ITGB6: variants seen among roughly 807,000 people sequenced by gnomAD.
ITGB6 encodes integrin beta-6.
A neutral mutation model predicts 84.5 loss-of-function variants in ITGB6; 80 were observed. The observed-to-expected ratio is 0.95, with a 90% CI of 0.79 to 1.14. The LOEUF is 1.14. Ranked by LOEUF, ITGB6 falls within the 50% of genes most tolerant of loss-of-function variation. ITGB6 has a pLI of 0.00. For synonymous variants in ITGB6, 383 were observed against 354.9 expected (o/e 1.08, Z -0.89); for missense variants, 1,006 against 968.0 (o/e 1.04, Z -0.52).
At chr2:160,189,612 A>C (rs1686055592) in intron 4 of ITGB6, among the ~76,000 whole-genome samples, 1 of 152,240 alleles carries the variant, frequency 6.6e-6, no homozygotes, top group Non-Finnish European at 1.5e-5. Flanking sequence ...AATGGTCATC[A>C]TCACTGGCCA....
chr2:160,142,163 T>G, intron 7 of ITGB6, 92 bp from the exon 8 acceptor site: 1 of 725,258 alleles, frequency 1.4e-6, no homozygotes, highest in Non-Finnish European at 2.3e-6. Context: ...ATTGCCTCTA[T>G]TTAACTGGCC....
At chr2:160,163,925 T>C (rs897897296) in intron 7 of ITGB6, among the ~76,000 whole-genome samples, 1 of 152,228 alleles carries the variant, frequency 6.6e-6, no homozygotes, top group Non-Finnish European at 1.5e-5. Context: ...ATAGTCATAG[T>C]TGCATATCAT....
At chr2:160,109,976 C>T (rs916147293) in intron 13 of ITGB6, among the ~76,000 whole-genome samples, 4 of 152,118 alleles carry the variant, frequency 2.6e-5, no homozygotes, top group African/African-American at 4.8e-5. Context: ...TGGATAACAT[C>T]GTAAATAAAA....
intron 4 of ITGB6, among the ~76,000 whole-genome samples, chr2:160,187,926 T>A (rs896719863): frequency 1.3e-5 from 2 of 152,146 alleles, no homozygotes; most frequent in African/African-American, 4.8e-5. Context: ...TCTAAAAGTT[T>A]GAGGACCACT....
chr2:160,127,710 T>G (rs777659298), intron 10 of ITGB6, among the ~76,000 whole-genome samples: 17 of 152,244 alleles, frequency 1.1e-4, no homozygotes, highest in Non-Finnish European at 1.9e-4. Flanking sequence ...GAAATAGAAT[T>G]TGTAATCAGA....
At chr2:160,173,860 T>G in intron 5 of ITGB6, 114 bp downstream of exon 5, 1 of 908,764 alleles carries the variant, frequency 1.1e-6, no homozygotes, top group Non-Finnish European at 1.6e-6. Context: ...AAATATGAAA[T>G]ATAGAAATTT....
intron 12 of ITGB6, among the ~76,000 whole-genome samples, chr2:160,115,556 TG>T (rs1401776141): frequency 2.0e-5 from 3 of 151,828 alleles, no homozygotes; most frequent in Non-Finnish European, 4.4e-5. Context: ...ACCACAAAGA[TG>T]GGGAAAAAAC....
At chr2:160,126,092 G>A (rs779879262) in intron 11 of ITGB6, among the ~76,000 whole-genome samples, 6 of 152,148 alleles carry the variant, frequency 3.9e-5, no homozygotes, top group African/African-American at 1.2e-4. Flanking sequence ...ATGGAGAGGC[G>A]ATCTGATGTT....
chr2:160,174,783 T>C (rs1329989776), intron 4 of ITGB6, among the ~76,000 whole-genome samples: 3 of 152,222 alleles, frequency 2.0e-5, no homozygotes, highest in Non-Finnish European at 4.4e-5. Flanking sequence ...CATCTTATTT[T>C]GAAAGCAAGT....
rs994915611 is a variant in ITGB6 at position 160,117,763 on chromosome 2, G to A, written c.1982-5564C>T. On this transcript the variant is annotated intron_variant, in intron 12 of 14. Coordinates refer to ENST00000283249, the MANE Select transcript of ITGB6 (RefSeq NM_000888.5). Reference sequence around the variant, plus strand: ...AAAAGATCAACAAAATCAATAGACCGCTAGCAAGACTAATAAAGAAGAAAA... The same window carrying A: ...AAAAGATCAACAAAATCAATAGACCACTAGCAAGACTAATAAAGAAGAAAA... Among the ~76,000 whole-genome samples the A allele has an allele frequency of 2.7e-3, 415 of 152,100 alleles. 2 individuals carry two copies. The highest frequency in any genetic ancestry group is 8.3e-3 in the African/African-American group (345 of 41,504).
intron 7 of ITGB6, among the ~76,000 whole-genome samples, chr2:160,159,098 C>CA (rs71408116): frequency 0.025 from 2,691 of 107,722 alleles, 31 homozygotes; most frequent in Non-Finnish European, 0.03. Context: ...GACTCCATCT[C>CA]AAAAAAAAAA....
intron 7 of ITGB6, among the ~76,000 whole-genome samples, chr2:160,164,850 G>T (rs1001881102): frequency 6.6e-6 from 1 of 152,122 alleles, no homozygotes; most frequent in Non-Finnish European, 1.5e-5. Context: ...TACTATGTGT[G>T]ATCTAAGGGG....
At chr2:160,110,098 T>C (rs1463213292) in intron 13 of ITGB6, among the ~76,000 whole-genome samples, 1 of 152,184 alleles carries the variant, frequency 6.6e-6, no homozygotes, top group Non-Finnish European at 1.5e-5. Context: ...CATCTTTTTG[T>C]GATTCAGATA....
rs928237608 is a variant in ITGB6 at position 160,142,161 on chromosome 2, T to C, written c.1018-90A>G. 31 of 734,500 alleles carry C rather than the reference T, an allele frequency of 4.2e-5. No individual in the cohort carries two copies. In the African/African-American group the frequency reaches 5.7e-4, roughly 13 times the overall value. The allele number at this position is 734,500 out of a possible 1,614,324, so 45.5% of individuals were successfully genotyped here. A position where few individuals can be genotyped will look rare whatever the true frequency, so the allele number is the denominator to read the frequency against. On this transcript the variant is annotated intron_variant, in intron 7 of 14. Transcript: ENST00000283249. ...TGAGCCTGCTGGCTATGATTGCCTC[T>C]ATTTAACTGGCCAGGGAAAACAGGT...
intron 12 of ITGB6, among the ~76,000 whole-genome samples, chr2:160,118,509 G>A (rs1574047757): frequency 1.3e-5 from 2 of 151,996 alleles, no homozygotes; most frequent in Admixed American, 6.6e-5. Context: ...TTGATGGGAC[G>A]TATCTCAAAA....
chr2:160,137,719 C>A lies in ITGB6; in HGVS notation c.1375G>T (p.Glu459Ter). 6.2e-7 allele frequency: 1 copy of A among 1,614,218 alleles called. No homozygotes were observed. Among genetic ancestry groups the A allele is most frequent in the Non-Finnish European group, 8.5e-7 (1 of 1,180,030 alleles). Residue 459 changes from glutamate to a stop codon, truncating the protein, a stop_gained, in exon 10 of 15, where the codon GAA becomes TAA. Transcript: ENST00000283249. LOFTEE classifies it high-confidence loss of function. ...CATTTGGAGCTGTTCACTTCCACTT[C>A]TTTCTGACAGTCGCAGTTGCATTCT... ...SPECNCDCQK[E>*]VEVNSSKCHH... is the part of the protein sequence containing the mutation.
At chr2:160,110,324 G>A (rs747881822) in intron 13 of ITGB6, among the ~76,000 whole-genome samples, 10 of 152,258 alleles carry the variant, frequency 6.6e-5, no homozygotes, top group Middle Eastern at 3.4e-3. Flanking sequence ...AATATTAAGC[G>A]AATTAATACA....
intron 7 of ITGB6, among the ~76,000 whole-genome samples, chr2:160,143,046 G>A (rs1478585032): frequency 1.3e-5 from 2 of 152,176 alleles, no homozygotes; most frequent in East Asian, 1.9e-4. Flanking sequence ...CCAGCACTTT[G>A]AGAGGTCAAG....
At chr2:160,168,957 C>T (rs879766003) in intron 7 of ITGB6, among the ~76,000 whole-genome samples, 21 of 152,166 alleles carry the variant, frequency 1.4e-4, no homozygotes, top group African/African-American at 3.9e-4. Flanking sequence ...TACTCTCCTC[C>T]AGCATATCTG....
Sources: gnomAD v4.1 joint callset for allele counts (sites outside exome capture counted in the v4.1 genomes callset) on GRCh38, gnomAD v4.1.1 for gene constraint, MANE v1.5 for transcripts, NCBI Gene and HGNC (gene_info 2026-07-23, HGNC 2026-07-21) for gene names.